GRID1: variants seen among roughly 807,000 people sequenced by gnomAD.
GRID1 encodes glutamate receptor ionotropic, delta-1.
A neutral mutation model predicts 98.0 loss-of-function variants in GRID1; 28 were observed. The observed-to-expected ratio is 0.29, with a 90% CI of 0.21 to 0.39. The LOEUF is 0.39. Ranked by LOEUF, GRID1 falls within the 10% of genes least tolerant of loss-of-function variation. The pLI is 1.00. For synonymous variants in GRID1, 553 were observed against 538.5 expected (o/e 1.03, Z -0.37); for missense variants, 1,111 against 1,340.5 (o/e 0.83, Z 2.67).
At position 85,820,015 on chromosome 10, in the gene GRID1, AAGGAAGGAAGGAAGGC is replaced by A. The variant is rs1405731091; in HGVS notation, c.1233+34465_1233+34480del. Among the ~76,000 whole-genome samples the A allele has an allele frequency of 7.1e-3, 867 of 122,440 alleles. 9 individuals carry two copies. Among genetic ancestry groups the A allele is most frequent in the African/African-American group, 0.031 (781 of 25,582 alleles). 80.3% of individuals were successfully genotyped at this position (122,440 alleles called of 152,430 possible). ...GAAGGAAGGAAGGAAGGAAGGAAGG[AAGGAAGGAAGGAAGGC>A]AGGCAGGCAGGCAGGCAGGCAGGCA... On this transcript the variant is annotated intron_variant, in intron 8 of 15. Coordinates refer to ENST00000327946, the MANE Select transcript of GRID1 (RefSeq NM_017551.3).
intron 8 of GRID1, among the ~76,000 whole-genome samples, chr10:85,821,749 A>G (rs867903831): frequency 6.6e-6 from 1 of 152,094 alleles, no homozygotes; most frequent in Non-Finnish European, 1.5e-5. Flanking sequence ...AGCCAAAAGA[A>G]CAAAGCTGGA....
chr10:86,300,313 A>T (rs1010689153), intron 2 of GRID1, among the ~76,000 whole-genome samples: 2 of 151,568 alleles, frequency 1.3e-5, no homozygotes, highest in Middle Eastern at 6.8e-3. Context: ...GCCCTAGAAA[A>T]CTAAAACAGT....
At chr10:86,045,574 T>C (rs1201794327) in intron 4 of GRID1, among the ~76,000 whole-genome samples, 1 of 152,006 alleles carries the variant, frequency 6.6e-6, no homozygotes, top group Non-Finnish European at 1.5e-5. Flanking sequence ...GAGAAGCATA[T>C]GGGGCTCCTG....
chr10:86,102,977 T>C (rs7075660), intron 4 of GRID1, among the ~76,000 whole-genome samples: 46,878 of 151,974 alleles, frequency 0.31, 8,477 homozygotes, highest in African/African-American at 0.5. Context: ...GACGTTCTGT[T>C]GCCTGCTGCC....
chr10:85,850,152 T>C (rs970667217), intron 8 of GRID1, among the ~76,000 whole-genome samples: 4 of 152,134 alleles, frequency 2.6e-5, no homozygotes, highest in African/African-American at 9.7e-5. Context: ...CTGCGAGCAG[T>C]TGGCAATTCT....
Position 86,043,029 on chromosome 10 carries a change from G to A in GRID1, c.726+95790C>T, listed in dbSNP as rs542148157. On this transcript the variant is annotated intron_variant, in intron 4 of 15. Coordinates refer to ENST00000327946, the MANE Select transcript of GRID1 (RefSeq NM_017551.3). ...GAGCCAGTGAGGTCAAGGCAGCAGC[G>A]AGCCGAGATCAATCACTCCACTGCA... 5.3e-5 allele frequency among the ~76,000 whole-genome samples: 8 copies of A among 151,838 alleles called. No homozygotes were observed. The East Asian group carries it at 5.8e-4, about 11-fold the overall frequency.
chr10:86,017,590 C>A (rs949536111), intron 4 of GRID1, among the ~76,000 whole-genome samples: 2 of 152,210 alleles, frequency 1.3e-5, no homozygotes, highest in Non-Finnish European at 2.9e-5. Flanking sequence ...AATGTCATAG[C>A]CCATTTGGCT....
intron 8 of GRID1, among the ~76,000 whole-genome samples, chr10:85,851,216 C>G (rs950223721): frequency 2.0e-5 from 3 of 152,164 alleles, no homozygotes; most frequent in African/African-American, 7.2e-5. Context: ...ATACCACCCC[C>G]CACCCCCAAG....
intron 12 of GRID1, among the ~76,000 whole-genome samples, chr10:85,675,859 T>A (rs1841139119): frequency 6.6e-6 from 1 of 151,876 alleles, no homozygotes; most frequent in African/African-American, 2.4e-5. Context: ...AGGGCAGGGG[T>A]GGTGTCCATG....
At chr10:86,224,029 G>C (rs756676160) in intron 2 of GRID1, among the ~76,000 whole-genome samples, 6 of 152,308 alleles carry the variant, frequency 3.9e-5, no homozygotes, top group Non-Finnish European at 5.9e-5. Context: ...ACCAGCAGGT[G>C]ATACACTGAT....
chr10:86,088,599 T>C (rs1166994877), intron 4 of GRID1, among the ~76,000 whole-genome samples: 2 of 152,146 alleles, frequency 1.3e-5, no homozygotes, highest in East Asian at 1.9e-4. Context: ...ATGAAAACTT[T>C]GGGGGTTCAT....
At chr10:86,245,420 A>G (rs548550517) in intron 2 of GRID1, among the ~76,000 whole-genome samples, 1 of 142,296 alleles carries the variant, frequency 7.0e-6, no homozygotes, top group African/African-American at 3.1e-5. Flanking sequence ...GCTTTACTCC[A>G]TTCCTCTTCT....
rs576410575 is a variant in GRID1, at chr10:85,757,915, G to A, written c.1234-28301C>T. Among the ~76,000 whole-genome samples the A allele has an allele frequency of 1.7e-3, 262 of 152,322 alleles. 3 individuals are homozygous for A. The highest frequency in any genetic ancestry group is 3.2e-3 in the Non-Finnish European group (216 of 68,034). ...CACTGGCAAGTATTCTAAGGGAAGT[G>A]TAAGCTCCAACCAGAACAGAAAGGC... On this transcript the variant is annotated intron_variant, in intron 8 of 15. Coordinates refer to ENST00000327946, the MANE Select transcript of GRID1 (RefSeq NM_017551.3).
At chr10:85,709,063 A>G (rs1048231034) in intron 12 of GRID1, 1 of 325,604 alleles carries the variant, frequency 3.1e-6, no homozygotes, top group Non-Finnish European at 6.2e-6. Flanking sequence ...TGATTCACCA[A>G]AACAACTTGT....
chr10:85,958,006 G>A (rs537889880), intron 4 of GRID1, among the ~76,000 whole-genome samples: 9 of 152,286 alleles, frequency 5.9e-5, no homozygotes, highest in East Asian at 3.9e-4. Flanking sequence ...TAAGGGAGTC[G>A]GGAGATGTGC....
At chr10:85,820,141 C>CAGAAAGAAAAGAA (rs377379878) in intron 8 of GRID1, among the ~76,000 whole-genome samples, 1 of 114,740 alleles carries the variant, frequency 8.7e-6, no homozygotes, top group African/African-American at 3.7e-5. Context: ...AAGAAAGAAA[C>CAGAAAGAAAAGAA]AGAAAGAAAG....
intron 7 of GRID1, among the ~76,000 whole-genome samples, chr10:85,855,672 T>A (rs1337191468): frequency 3.9e-5 from 6 of 152,218 alleles, no homozygotes; most frequent in Non-Finnish European, 8.8e-5. Flanking sequence ...CAAGCGCACA[T>A]ACAGGTGCAC....
chr10:85,845,896 A>G lies in GRID1; in HGVS notation c.1233+8600T>C, dbSNP rs187203722. On this transcript the variant is annotated intron_variant, in intron 8 of 15. Transcript: ENST00000327946. ...GAGTATGGAACATTTGATATCACTG[A>G]TATCAAGTTAAAAACAGGAAAAACC... Among the ~76,000 whole-genome samples the G allele has an allele frequency of 2.0e-5, 3 of 152,364 alleles. No homozygotes were observed. In the East Asian group the frequency reaches 5.8e-4, roughly 29 times the overall value.
At chr10:85,774,074 A>C (rs1842302611) in intron 8 of GRID1, among the ~76,000 whole-genome samples, 1 of 152,216 alleles carries the variant, frequency 6.6e-6, no homozygotes, top group South Asian at 2.1e-4. Flanking sequence ...ACTTCAAACT[A>C]TACTACAAGG....
Sources: gnomAD v4.1 joint callset for allele counts (sites outside exome capture counted in the v4.1 genomes callset) on GRCh38, gnomAD v4.1.1 for gene constraint, MANE v1.5 for transcripts, NCBI Gene and HGNC (gene_info 2026-07-23, HGNC 2026-07-21) for gene names.